RPS6KA1: variants seen among roughly 807,000 people sequenced by gnomAD.
The protein encoded by RPS6KA1 is ribosomal protein S6 kinase alpha-1.
RPS6KA1 carries 48 observed loss-of-function variants against 91.3 expected under a neutral mutation model. That is an observed-to-expected ratio of 0.53 (90% CI 0.42 to 0.67). The LOEUF (loss-of-function observed/expected upper bound fraction) is 0.67. Ranked by LOEUF, RPS6KA1 falls within the 30% of genes least tolerant of loss-of-function variation. The probability of loss-of-function intolerance (pLI) is 0.00; values close to 1 mark genes in which losing one functional copy is unlikely to be tolerated. For missense variants in RPS6KA1, 719 were observed against 960.5 expected (o/e 0.75, Z 3.32); for synonymous variants, 359 against 384.7 (o/e 0.93, Z 0.78).
intron 2 of RPS6KA1, chr1:26,544,203 G>T (rs1557493686): frequency 2.2e-6 from 1 of 456,034 alleles, no homozygotes. Context: ...CTTGGGGCTC[G>T]CTGACTCTCC....
rs772330279 is a variant in RPS6KA1 at position 26,553,383 on chromosome 1, T to A, written c.469-8T>A. ...GTCCCTGCTGAAGGCCCCTCCTGTC[T>A]TTTGCAGGTGATGTTCACGGAGGAG... On this transcript the variant is annotated splice_region_variant and splice_polypyrimidine_tract_variant and intron_variant, in intron 6 of 21. Transcript: ENST00000374168. The A allele has an allele frequency of 8.1e-6, 13 of 1,602,056 alleles. No homozygotes were observed. In the East Asian group the frequency reaches 2.7e-4, roughly 33 times the overall value.
At position 26,551,711 on chromosome 1, in the gene RPS6KA1, G is replaced by T. The variant is rs2076052103; in HGVS notation, c.456G>T (p.Arg152=). The change falls in exon 6 of 22, where the codon CGG becomes CGT. Residue 152 remains arginine, a synonymous_variant. Coordinates refer to ENST00000374168, the MANE Select transcript of RPS6KA1 (RefSeq NM_002953.4). The surrounding 1 kb of genome is among the most constrained non-coding windows in gnomAD (Gnocchi z 4.5). ...TGCGTGGTGGGGACCTCTTCACCCG[G>T]CTCTCAAAAGAGGTGAGCTGACATC... is the stretch of plus-strand genomic sequence containing the variant. ...DFLRGGDLFT[R]LSKEVMFTEE... is the part of the protein sequence containing the mutation. 3.7e-6 allele frequency: 6 copies of T among 1,614,066 alleles called. No individual in the cohort carries two copies. Among genetic ancestry groups the T allele is most frequent in the Non-Finnish European group, 5.1e-6 (6 of 1,179,940 alleles).
Position 26,547,237 on chromosome 1 carries a change from G to A in RPS6KA1, c.274G>A (p.Ala92Thr). Reference protein sequence around the residue: ...VTRPDSGHLYAMKVLKKATLK... With the variant: ...VTRPDSGHLYTMKVLKKATLK... ...CCGGCCTGACAGTGGGCACCTGTATGCTATGAAGGTGCTGAAGAAGGCAAC... is the reference window on the plus strand; with the variant it reads ...CCGGCCTGACAGTGGGCACCTGTATACTATGAAGGTGCTGAAGAAGGCAAC... Residue 92 changes from alanine to threonine, a missense_variant, in exon 4 of 22, where the codon GCT (alanine) becomes ACT (threonine). Physicochemically the swap from Ala to Thr is moderately conservative, Grantham distance 58. Coordinates refer to ENST00000374168, the MANE Select transcript of RPS6KA1 (RefSeq NM_002953.4). The surrounding 1 kb of genome is among the most constrained non-coding windows in gnomAD (Gnocchi z 4.1). 6.2e-7 allele frequency: 1 copy of A among 1,614,054 alleles called. No individual in the cohort carries two copies. The highest frequency in any genetic ancestry group is 8.5e-7 in the Non-Finnish European group (1 of 1,179,990).
intron 1 of RPS6KA1, among the ~76,000 whole-genome samples, chr1:26,536,152 TAAAAAAAAAAAAAAA>T (rs35238041): frequency 1.3e-5 from 1 of 74,418 alleles, no homozygotes; most frequent in Non-Finnish European, 2.6e-5. Context: ...AAACTCTGTC[TAAAAAAAAAAAAAAA>T]AAAAAAAAAA....
chr1:26,560,781 T>C lies in RPS6KA1; in HGVS notation c.1271T>C (p.Ile424Thr). The change falls in exon 15 of 22, where the codon ATT becomes ACT. Residue 424 changes from isoleucine to threonine, a missense_variant. Transcript: ENST00000374168. Reference protein sequence around the residue: ...FSDGYVVKETIGVGSYSECKR... With the variant: ...FSDGYVVKETTGVGSYSECKR... ...GACGGCTACGTGGTAAAGGAGACAATTGGTGTGGGCTCCTACTCTGAGTGC... is the reference window on the plus strand; with the variant it reads ...GACGGCTACGTGGTAAAGGAGACAACTGGTGTGGGCTCCTACTCTGAGTGC... The C allele has an allele frequency of 4.3e-6, 7 of 1,614,062 alleles. No homozygotes were observed. Among genetic ancestry groups the C allele is most frequent in the Non-Finnish European group, 5.1e-6 (6 of 1,180,000 alleles).
intron 2 of RPS6KA1, among the ~76,000 whole-genome samples, chr1:26,545,327 C>G (rs1358951465): frequency 8.0e-6 from 1 of 124,948 alleles, no homozygotes; most frequent in Non-Finnish European, 1.7e-5. Flanking sequence ...GACCACCACG[C>G]CTGGCCAATT....
In RPS6KA1 at chr1:26,574,309, G is replaced by T. The variant is rs969457413; in HGVS notation, c.*108G>T. ...GGGCCAGAGGGAGCTGGAACCCGAG[G>T]GGCCGGGGAAGCTGCCAGCCCAGAA... On this transcript the variant is annotated 3_prime_UTR_variant, in exon 22 of 22. Coordinates refer to ENST00000374168, the MANE Select transcript of RPS6KA1 (RefSeq NM_002953.4). The surrounding 1 kb of genome is among the most constrained non-coding windows in gnomAD (Gnocchi z 4.3). The T allele has an allele frequency of 1.1e-5, 16 of 1,446,248 alleles. No homozygotes were observed. The highest frequency in any genetic ancestry group is 1.6e-5 in the Non-Finnish European group (16 of 1,028,846). 89.6% of individuals were successfully genotyped at this position (1,446,248 alleles called of 1,614,324 possible). A position where few individuals can be genotyped will look rare whatever the true frequency, so the allele number is the denominator to read the frequency against.
intron 1 of RPS6KA1, among the ~76,000 whole-genome samples, chr1:26,533,388 G>A (rs549376589): frequency 1.3e-5 from 2 of 152,182 alleles, no homozygotes; most frequent in African/African-American, 4.8e-5. Flanking sequence ...GAGCCACTGC[G>A]CCTGGCCGAA....
At chr1:26,572,766 A>G (rs2076260790) in intron 20 of RPS6KA1, among the ~76,000 whole-genome samples, 1 of 152,194 alleles carries the variant, frequency 6.6e-6, no homozygotes, top group Admixed American at 6.5e-5. Context: ...GGGAACCTGT[A>G]TGCCAGACAG....
In RPS6KA1 at chr1:26,574,314, G is replaced by T; in HGVS notation, c.*113G>T. ...AGAGGGAGCTGGAACCCGAGGGGCC[G>T]GGGAAGCTGCCAGCCCAGAACACCC... On this transcript the variant is annotated 3_prime_UTR_variant, in exon 22 of 22. Coordinates refer to ENST00000374168, the MANE Select transcript of RPS6KA1 (RefSeq NM_002953.4). The surrounding 1 kb of genome is among the most constrained non-coding windows in gnomAD (Gnocchi z 4.3). 1 of 1,372,206 alleles carries T rather than the reference G, an allele frequency of 7.3e-7. No individual in the cohort carries two copies. Among genetic ancestry groups the T allele is most frequent in the South Asian group, 1.2e-5 (1 of 85,234 alleles). The allele number at this position is 1,372,206 out of a possible 1,614,324, so 85.0% of individuals were successfully genotyped here. A position where few individuals can be genotyped will look rare whatever the true frequency, so the allele number is the denominator to read the frequency against.
intron 1 of RPS6KA1, among the ~76,000 whole-genome samples, chr1:26,536,085 C>T (rs181878693): frequency 1.4e-4 from 20 of 140,630 alleles, no homozygotes; most frequent in African/African-American, 4.2e-4. Flanking sequence ...ACCTGGGAGG[C>T]GGAGGTTGCA....
chr1:26,548,720 A>C (rs1485011211), intron 4 of RPS6KA1, among the ~76,000 whole-genome samples: 7 of 151,368 alleles, frequency 4.6e-5, no homozygotes, highest in African/African-American at 1.7e-4. Flanking sequence ...AATTGCTTGA[A>C]CCCAGGAGGT....
Position 26,553,299 on chromosome 1 carries a change from G to A in RPS6KA1, c.469-92G>A, listed in dbSNP as rs528724125. The stretch of plus-strand genomic sequence containing the variant: ...GGTTTCCAAGGGTCCTCCCAGGGTG[G>A]CTCTTCAGGACCAGGAAGCTGCTGA... On this transcript the variant is annotated intron_variant, in intron 6 of 21. Coordinates refer to ENST00000374168, the MANE Select transcript of RPS6KA1 (RefSeq NM_002953.4). 46 of 794,822 alleles carry A rather than the reference G, an allele frequency of 5.8e-5. No homozygotes were observed. In the East Asian group the frequency reaches 1.1e-3, roughly 19 times the overall value. 49.2% of individuals were successfully genotyped at this position (794,822 alleles called of 1,614,324 possible).
At chr1:26,545,172 C>CTT (rs765400329) in intron 2 of RPS6KA1, among the ~76,000 whole-genome samples, 4 of 145,110 alleles carry the variant, frequency 2.8e-5, no homozygotes, top group Non-Finnish European at 3.0e-5. Context: ...CTTTCTTTTT[C>CTT]TTTTTCTTTT....
Position 26,574,523 on chromosome 1 carries a change from G to A in RPS6KA1, c.*322G>A, listed in dbSNP as rs1021029153. 1 of 497,746 alleles carries A rather than the reference G, an allele frequency of 2.0e-6. No individual in the cohort carries two copies. Among genetic ancestry groups the A allele is most frequent in the South Asian group, 1.6e-5 (1 of 64,348 alleles). The allele number at this position is 497,746 out of a possible 1,614,324, so 30.8% of individuals were successfully genotyped here. ...AGCAGAAACAGCCATTGCGGCCCCA[G>A]GAGGGGAACTGAGTCACGCTGGGGC... On this transcript the variant is annotated 3_prime_UTR_variant, in exon 22 of 22. Coordinates refer to ENST00000374168, the MANE Select transcript of RPS6KA1 (RefSeq NM_002953.4). The surrounding 1 kb of genome is among the most constrained non-coding windows in gnomAD (Gnocchi z 4.3).
Position 26,547,145 on chromosome 1 carries a change from G to A in RPS6KA1, c.226-44G>A. 1 of 1,603,112 alleles carries A rather than the reference G, an allele frequency of 6.2e-7. No homozygotes were observed. Among genetic ancestry groups the A allele is most frequent in the Non-Finnish European group, 8.5e-7 (1 of 1,170,382 alleles). On this transcript the variant is annotated intron_variant, in intron 3 of 21. Coordinates refer to ENST00000374168, the MANE Select transcript of RPS6KA1 (RefSeq NM_002953.4). The surrounding 1 kb of genome is among the most constrained non-coding windows in gnomAD (Gnocchi z 4.1). ...GAAGATAGAGGTCAGCCTGGACTCA[G>A]ACCTCTCCCATCTTCTGCCCTGCTT... is the stretch of plus-strand genomic sequence containing the variant.
chr1:26,538,123 A>G (rs562126383), intron 2 of RPS6KA1, among the ~76,000 whole-genome samples: 32 of 152,268 alleles, frequency 2.1e-4, no homozygotes, highest in African/African-American at 7.2e-4. Flanking sequence ...TGAGGGAAGT[A>G]TTCTCGCACC....
Position 26,555,567 on chromosome 1 carries a change from C to T in RPS6KA1, c.858C>T (p.Ser286=), listed in dbSNP as rs1206372344. 6.2e-7 allele frequency: 1 copy of T among 1,600,538 alleles called. No homozygotes were observed. The highest frequency in any genetic ancestry group is 8.5e-7 in the Non-Finnish European group (1 of 1,172,894). ...KAKLGMPQFL[S]TEAQSLLRAL... ...AGCTAGGCATGCCCCAGTTTCTGAG[C>T]ACTGAAGCCCAGAGCCTCTTGCGGG... The change falls in exon 11 of 22, where the codon AGC becomes AGT. Residue 286 remains serine, a synonymous_variant. Coordinates refer to ENST00000374168, the MANE Select transcript of RPS6KA1 (RefSeq NM_002953.4). This position sits in a 1 kb window ranked among gnomAD's most constrained non-coding sequence, Gnocchi z 4.3.
At chr1:26,546,030 G>T in intron 2 of RPS6KA1, 1 of 1,611,372 alleles carries the variant, frequency 6.2e-7, no homozygotes, top group South Asian at 1.1e-5. Context: ...CCCCCAGCGG[G>T]ACTCGGTGAG....
Sources: gnomAD v4.1 joint callset for allele counts (sites outside exome capture counted in the v4.1 genomes callset) on GRCh38, gnomAD v4.1.1 for gene constraint, Gnocchi (gnomAD v3.1) non-coding constraint, MANE v1.5 for transcripts, NCBI Gene and HGNC (gene_info 2026-07-23, HGNC 2026-07-21) for gene names.